The following IQCH variants were observed in gnomAD, a reference collection of about 807,000 sequenced individuals.
The protein encoded by IQCH is IQ motif containing H, also known as IQ domain-containing protein H.
In IQCH, 98 loss-of-function variants were observed where a neutral mutation model predicts 117.0. The ratio of observed to expected loss-of-function variants is 0.84; its 90% CI spans 0.71 to 0.99. The LOEUF is 0.99. Among genes scored for constraint, IQCH ranks in the 50% least tolerant of loss-of-function variants. The pLI is 0.00. For missense variants in IQCH, 1,102 were observed against 1,243.8 expected (o/e 0.89, Z 1.72); for synonymous variants, 412 against 448.2 (o/e 0.92, Z 1.02).
chr15:67,431,729 C>T lies in IQCH; in HGVS notation c.2505+10152C>T, dbSNP rs1211304131. Reference sequence around the variant, plus strand: ...ATCATAGAATTTAGTTGAACATTTCCTACCAATATCAATAGTTTTTTAGAT... The same window carrying T: ...ATCATAGAATTTAGTTGAACATTTCTTACCAATATCAATAGTTTTTTAGAT... On this transcript the variant is annotated intron_variant, in intron 16 of 20. Transcript: ENST00000335894. This position sits in a 1 kb window ranked among gnomAD's most constrained non-coding sequence, Gnocchi z 4.8. Among the ~76,000 whole-genome samples, 1 of 152,124 alleles carries T rather than the reference C, an allele frequency of 6.6e-6. No individual in the cohort carries two copies. The highest frequency in any genetic ancestry group is 1.9e-4 in the East Asian group (1 of 5,196).
intron 4 of IQCH, chr15:67,304,598 A>G (rs975301831): frequency 2.1e-6 from 1 of 467,910 alleles, no homozygotes; most frequent in Non-Finnish European, 3.7e-6. Flanking sequence ...AATGGCTCTC[A>G]TTCTGTTTAT....
At chr15:67,498,735 T>C (rs1309930480) in intron 20 of IQCH, among the ~76,000 whole-genome samples, 1 of 152,198 alleles carries the variant, frequency 6.6e-6, no homozygotes, top group African/African-American at 2.4e-5. Context: ...AATAGTTTCT[T>C]AGACATGGTG....
intron 4 of IQCH, among the ~76,000 whole-genome samples, chr15:67,302,462 A>G (rs570886603): frequency 1.5e-4 from 23 of 152,306 alleles, no homozygotes; most frequent in African/African-American, 5.3e-4. Flanking sequence ...GACCACGTGT[A>G]CCTCAAGGAG....
intron 18 of IQCH, among the ~76,000 whole-genome samples, chr15:67,483,020 C>G (rs1264926110): frequency 1.3e-5 from 2 of 152,188 alleles, no homozygotes; most frequent in Non-Finnish European, 2.9e-5. Context: ...CCTTTCATTT[C>G]TGTTGTTTCC....
chr15:67,274,589 T>C (rs1207546071), intron 3 of IQCH, among the ~76,000 whole-genome samples: 2 of 152,208 alleles, frequency 1.3e-5, no homozygotes, highest in Non-Finnish European at 2.9e-5. Context: ...ATCACTGAGT[T>C]TCCTTATAAT....
chr15:67,357,232 C>T (rs373613524), intron 6 of IQCH, 113 bp from the exon 7 acceptor site: 12 of 728,466 alleles, frequency 1.6e-5, no homozygotes, highest in African/African-American at 8.8e-5. Context: ...AGGTAGTGAG[C>T]GCACAGTGGG....
rs1473973430 is a variant in IQCH at position 67,407,196 on chromosome 15, GAAATAT to G, written c.2097+6895_2097+6900del. Reference sequence around the variant, plus strand: ...TAGCAGCCTGCTTTCTTATCATTTAGAAATATAAAACAGTTCCATTTATTTGAACTT... The same window carrying G: ...TAGCAGCCTGCTTTCTTATCATTTAGAAAACAGTTCCATTTATTTGAACTT... On this transcript the variant is annotated intron_variant, in intron 14 of 20. Coordinates refer to ENST00000335894, the MANE Select transcript of IQCH (RefSeq NM_001031715.3). The surrounding 1 kb of genome is among the most constrained non-coding windows in gnomAD (Gnocchi z 5.3). The G allele has an allele frequency of 2.6e-5, 4 of 152,168 alleles. No individual in the cohort carries two copies. Among genetic ancestry groups the G allele is most frequent in the Non-Finnish European group, 5.9e-5 (4 of 68,028 alleles). The allele number at this position is 152,168 out of a possible 1,614,324, so 9.4% of individuals were successfully genotyped here.
chr15:67,477,363 C>T (rs1377780200), intron 18 of IQCH, among the ~76,000 whole-genome samples: 2 of 151,938 alleles, frequency 1.3e-5, no homozygotes, highest in Admixed American at 6.6e-5. Context: ...TTTATACGTT[C>T]TTAAAAAGCA....
rs189618894 is a variant in IQCH, at chr15:67,382,281, T to A, written c.1373-2655T>A. On this transcript the variant is annotated intron_variant, in intron 10 of 20. Transcript: ENST00000335894. ...ATACCCCATGATGATGAGGACCTTA[T>A]TGCCTCAAGAGAGACCTAGCAACTC... Among the ~76,000 whole-genome samples, 215 of 152,328 alleles carry A rather than the reference T, an allele frequency of 1.4e-3. 1 individual carries two copies. Among genetic ancestry groups the A allele is most frequent in the South Asian group, 0.013 (61 of 4,820 alleles).
chr15:67,351,590 T>C (rs1441637612), intron 6 of IQCH, among the ~76,000 whole-genome samples: 1 of 152,224 alleles, frequency 6.6e-6, no homozygotes, highest in African/African-American at 2.4e-5. Context: ...CAAACTGTCT[T>C]TTAAAGTCAT....
Position 67,421,545 on chromosome 15 carries a change from A to G in IQCH, c.2473A>G (p.Thr825Ala). 5 of 1,614,220 alleles carry G rather than the reference A, an allele frequency of 3.1e-6. No individual in the cohort carries two copies. The highest frequency in any genetic ancestry group is 4.2e-6 in the Non-Finnish European group (5 of 1,180,020). The change falls in exon 16 of 21, where the codon ACT becomes GCT. Residue 825 changes from threonine to alanine, a missense_variant. Physicochemically the swap from Thr to Ala is moderately conservative, Grantham distance 58. Coordinates refer to ENST00000335894, the MANE Select transcript of IQCH (RefSeq NM_001031715.3). ...VVGYFSIDLV[T>A]FIDPSTLEQQ... The stretch of plus-strand genomic sequence containing the variant: ...TGGTTACTTTTCGATAGATCTGGTG[A>G]CTTTTATAGATCCAAGCACCTTGGA...
chr15:67,360,072 GA>G, intron 8 of IQCH, 187 bp downstream of exon 8: 2 of 551,138 alleles, frequency 3.6e-6, no homozygotes, highest in Non-Finnish European at 3.2e-6. Flanking sequence ...CATTTAAAGT[GA>G]AAACCCTTTT....
chr15:67,397,533 A>G (rs1421578635), intron 13 of IQCH, among the ~76,000 whole-genome samples: 2 of 152,222 alleles, frequency 1.3e-5, no homozygotes, highest in African/African-American at 4.8e-5. Flanking sequence ...GATAGTGACT[A>G]CCCTATCTAT....
intron 8 of IQCH, among the ~76,000 whole-genome samples, chr15:67,360,953 ATG>A (rs1345395459): frequency 6.6e-6 from 1 of 152,236 alleles, no homozygotes; most frequent in Non-Finnish European, 1.5e-5. Flanking sequence ...TAAAAATAGG[ATG>A]TGTTTACGAA....
chr15:67,455,389 A>C (rs1359929985), intron 16 of IQCH, among the ~76,000 whole-genome samples: 1 of 152,186 alleles, frequency 6.6e-6, no homozygotes, highest in Non-Finnish European at 1.5e-5. Context: ...TGTGAGCCGC[A>C]TGCCTGGGGT....
chr15:67,255,835 G>A (rs1030653013), intron 1 of IQCH, among the ~76,000 whole-genome samples: 2 of 152,090 alleles, frequency 1.3e-5, no homozygotes, highest in African/African-American at 2.4e-5. Flanking sequence ...ACAAGCCCCT[G>A]AACTCACCAA....
At chr15:67,394,246 T>C (rs1971383433) in intron 12 of IQCH, among the ~76,000 whole-genome samples, 1 of 152,222 alleles carries the variant, frequency 6.6e-6, no homozygotes, top group African/African-American at 2.4e-5. Context: ...TTCATAATAA[T>C]AGTACTAGCT....
intron 4 of IQCH, among the ~76,000 whole-genome samples, chr15:67,301,467 T>A (rs555044638): frequency 3.6e-4 from 48 of 132,070 alleles, no homozygotes; most frequent in Admixed American, 8.8e-4. Flanking sequence ...TAGAGTGCAG[T>A]GGCATGATCT....
chr15:67,434,783 TTC>T (rs1243982203), intron 16 of IQCH, among the ~76,000 whole-genome samples: 3 of 137,090 alleles, frequency 2.2e-5, no homozygotes, highest in East Asian at 4.3e-4. Flanking sequence ...TTCTTTTCTT[TTC>T]TTTTTTTTTT....
Sources: gnomAD v4.1 joint callset for allele counts (sites outside exome capture counted in the v4.1 genomes callset) on GRCh38, gnomAD v4.1.1 for gene constraint, Gnocchi (gnomAD v3.1) non-coding constraint, MANE v1.5 for transcripts, NCBI Gene and HGNC (gene_info 2026-07-23, HGNC 2026-07-21) for gene names.